The following IFT80 variants were observed in gnomAD, a reference collection of about 807,000 sequenced individuals.
The protein encoded by IFT80 is intraflagellar transport 80, also known as intraflagellar transport protein 80 homolog.
IFT80 carries 79 observed loss-of-function variants against 107.9 expected under a neutral mutation model. That is an observed-to-expected ratio of 0.73 (90% confidence interval 0.61 to 0.88). IFT80 has a LOEUF of 0.88. Among genes scored for constraint, IFT80 ranks in the 40% least tolerant of loss-of-function variants. The pLI, the probability that IFT80 is intolerant of heterozygous loss-of-function variation, is 0.00. For synonymous variants in IFT80, 299 were observed against 300.9 expected (o/e 0.99, Z 0.07); for missense variants, 797 against 914.2 (o/e 0.87, Z 1.65).
intron 10 of IFT80, 151 bp downstream of exon 10, chr3:160,307,512 C>T (rs1716913070): frequency 1.5e-6 from 1 of 689,556 alleles, no homozygotes; most frequent in African/African-American, 1.8e-5. Flanking sequence ...AGTTCACTTT[C>T]TCTCACTTCC....
At chr3:160,297,089 G>A (rs762326664) in intron 12 of IFT80, among the ~76,000 whole-genome samples, 7 of 152,186 alleles carry the variant, frequency 4.6e-5, no homozygotes, top group Non-Finnish European at 7.4e-5. Context: ...TTTCCCTGAT[G>A]TTGTGAAGTA....
chr3:160,377,607 T>A (rs1225334514), intron 3 of IFT80, 67 bp from the exon 4 acceptor site: 1 of 854,030 alleles, frequency 1.2e-6, no homozygotes, highest in Non-Finnish European at 2.0e-6. Context: ...ACTACTAGAC[T>A]AAGTAATAGG....
At chr3:160,342,252 T>C (rs917440568) in intron 8 of IFT80, among the ~76,000 whole-genome samples, 3 of 152,298 alleles carry the variant, frequency 2.0e-5, no homozygotes, top group Non-Finnish European at 4.4e-5. Context: ...CTTTGTAAAC[T>C]CACCGCTGGA....
intron 8 of IFT80, among the ~76,000 whole-genome samples, chr3:160,331,402 C>T (rs1349310563): frequency 6.6e-6 from 1 of 152,070 alleles, no homozygotes; most frequent in Non-Finnish European, 1.5e-5. Flanking sequence ...CTAGAATTTC[C>T]CTTTAATATT....
chr3:160,312,427 T>A (rs1285189627), intron 9 of IFT80, among the ~76,000 whole-genome samples: 2 of 148,922 alleles, frequency 1.3e-5, no homozygotes, highest in African/African-American at 5.0e-5. Context: ...TACTTTCAGT[T>A]TCCTTAGCCA....
intron 2 of IFT80, among the ~76,000 whole-genome samples, chr3:160,382,920 C>T (rs1050867270): frequency 1.3e-5 from 2 of 152,032 alleles, no homozygotes; most frequent in African/African-American, 4.8e-5. Context: ...TAAAGAGACA[C>T]CAGAATACTC....
At chr3:160,258,729 TGACTTCCAAAA>T (rs1464111753) in intron 19 of IFT80, 94 bp from the exon 20 acceptor site, 6 of 1,421,160 alleles carry the variant, frequency 4.2e-6, no homozygotes, top group Admixed American at 2.0e-5. Flanking sequence ...ATAGACTGTG[TGACTTCCAAAA>T]GATTAGAGAA....
intron 8 of IFT80, among the ~76,000 whole-genome samples, chr3:160,328,379 T>A (rs1185683478): frequency 6.7e-6 from 1 of 149,722 alleles, no homozygotes; most frequent in Non-Finnish European, 1.5e-5. Flanking sequence ...GGAGAATCAC[T>A]TGAACCCACA....
chr3:160,362,944 T>C (rs1231543521), intron 6 of IFT80, among the ~76,000 whole-genome samples: 2 of 152,166 alleles, frequency 1.3e-5, no homozygotes, highest in Admixed American at 6.5e-5. Context: ...AGCATTCCCT[T>C]TGAAAACTGG....
In IFT80 at chr3:160,281,015, C is replaced by A. The variant is rs1714647537; in HGVS notation, c.1517-201G>T. On this transcript the variant is annotated intron_variant, in intron 14 of 19. Coordinates refer to ENST00000326448, the MANE Select transcript of IFT80 (RefSeq NM_020800.3). ...AATATTTGAATGCTTTACTTAGAACCCTTATATTTTTAATCTGTAAATCTT... is the reference window on the plus strand; with the variant it reads ...AATATTTGAATGCTTTACTTAGAACACTTATATTTTTAATCTGTAAATCTT... Among the ~76,000 whole-genome samples, 3 of 152,044 alleles carry A rather than the reference C, an allele frequency of 2.0e-5. No homozygotes were observed. The South Asian group carries it at 6.2e-4, about 32-fold the overall frequency.
At position 160,391,994 on chromosome 3, in the gene IFT80, T is replaced by C. The variant is rs144825261; in HGVS notation, c.-47+7152A>G. Among the ~76,000 whole-genome samples, 315 of 152,310 alleles carry C rather than the reference T, an allele frequency of 2.1e-3. 1 individual carries two copies. The highest frequency in any genetic ancestry group is 7.3e-3 in the African/African-American group (303 of 41,580). ...GTCCCAAATGTCTCTTGAGAAAAGG[T>C]GGCTAATCAATTTAAACCATAGCCT... On this transcript the variant is annotated intron_variant, in intron 1 of 19. Transcript: ENST00000326448.
chr3:160,261,379 GA>G (rs1712814406), intron 19 of IFT80, among the ~76,000 whole-genome samples: 1 of 151,230 alleles, frequency 6.6e-6, no homozygotes, highest in Non-Finnish European at 1.5e-5. Context: ...CAAAAAGATA[GA>G]AATCACTGTC....
chr3:160,290,231 AC>A (rs1205155500), intron 12 of IFT80, among the ~76,000 whole-genome samples: 2 of 151,586 alleles, frequency 1.3e-5, no homozygotes, highest in African/African-American at 2.4e-5. Flanking sequence ...ACATGGTGAA[AC>A]CCCGTCTCCC....
chr3:160,366,095 G>T lies in IFT80; in HGVS notation c.497C>A (p.Ala166Glu), dbSNP rs1267034875. 6.2e-7 allele frequency: 1 copy of T among 1,612,662 alleles called. No homozygotes were observed. The highest frequency in any genetic ancestry group is 8.5e-7 in the Non-Finnish European group (1 of 1,179,112). Residue 166 changes from alanine to glutamate, a missense_variant, in exon 6 of 20, where the codon GCA (alanine) becomes GAA (glutamate). Physicochemically the swap from Ala to Glu is moderately radical, Grantham distance 107. Transcript: ENST00000326448. ...AGGTTTAATGATTAGCTGCTTGCCT[G>T]CTGTATAAAGAACCTTTTCTGAATC... is the stretch of plus-strand genomic sequence containing the variant. ...GPDSEKVLYT[A>E]GKQLIIKPLQ...
At chr3:160,259,735 A>G (rs747970809) in intron 19 of IFT80, among the ~76,000 whole-genome samples, 1 of 152,204 alleles carries the variant, frequency 6.6e-6, no homozygotes, top group African/African-American at 2.4e-5. Context: ...TCTATGAGCA[A>G]CTTCTTTAGG....
chr3:160,264,077 C>T (rs1208588941), intron 19 of IFT80, among the ~76,000 whole-genome samples: 2 of 151,798 alleles, frequency 1.3e-5, no homozygotes, highest in East Asian at 3.9e-4. Context: ...GTTGGGATTA[C>T]AGGCTTGAGC....
chr3:160,320,055 AATT>A (rs1399497767), intron 8 of IFT80, 116 bp from the exon 9 acceptor site: 1 of 727,456 alleles, frequency 1.4e-6, no homozygotes, highest in Non-Finnish European at 2.3e-6. Context: ...TCTATTCTGG[AATT>A]ATTATTTTTC....
chr3:160,335,405 A>G (rs1719398124), intron 8 of IFT80, among the ~76,000 whole-genome samples: 1 of 151,874 alleles, frequency 6.6e-6, no homozygotes, highest in African/African-American at 2.4e-5. Flanking sequence ...TATTTTTAGT[A>G]GAGACGGGGT....
intron 8 of IFT80, among the ~76,000 whole-genome samples, chr3:160,332,410 G>T (rs924166491): frequency 6.6e-6 from 1 of 152,192 alleles, no homozygotes; most frequent in Non-Finnish European, 1.5e-5. Context: ...TGTTACCTAG[G>T]TGGGTTTCCC....
Sources: gnomAD v4.1 joint callset for allele counts (sites outside exome capture counted in the v4.1 genomes callset) on GRCh38, gnomAD v4.1.1 for gene constraint, MANE v1.5 for transcripts, NCBI Gene and HGNC (gene_info 2026-07-23, HGNC 2026-07-21) for gene names.